ADAM18: variants seen among roughly 807,000 people sequenced by gnomAD.
ADAM18 encodes disintegrin and metalloproteinase domain-containing protein 18.
In ADAM18, 117 loss-of-function variants were observed where a neutral mutation model predicts 94.4. The observed-to-expected ratio is 1.24, with a 90% CI of 1.07 to 1.45. ADAM18 has a LOEUF of 1.45. Ranked by LOEUF, ADAM18 falls within the 40% of genes most tolerant of loss-of-function variation. ADAM18 has a pLI of 0.00. For missense variants in ADAM18, 936 were observed against 880.0 expected (o/e 1.06, Z -0.81); for synonymous variants, 327 against 291.6 (o/e 1.12, Z -1.24).
intron 10 of ADAM18, among the ~76,000 whole-genome samples, chr8:39,640,152 G>A (rs921565445): frequency 6.6e-6 from 1 of 151,948 alleles, no homozygotes; most frequent in South Asian, 2.1e-4. Flanking sequence ...ACATCCTTTA[G>A]CTATTCTTCC....
chr8:39,721,476 A>G (rs955776231), intron 18 of ADAM18, among the ~76,000 whole-genome samples: 47 of 151,774 alleles, frequency 3.1e-4, no homozygotes, highest in Non-Finnish European at 4.9e-4. Context: ...GTAAGTGGAC[A>G]ACCTACAGAA....
At position 39,637,675 on chromosome 8, in the gene ADAM18, C is replaced by T. The variant is rs752576579; in HGVS notation, c.799C>T (p.Arg267Trp). The stretch of plus-strand genomic sequence containing the variant: ...ATGGAAACGGGACTATCTCATCCTA[C>T]GGCCCCATGACATAGCATACTTACT... ...LAWKRDYLIL[R>W]PHDIAYLLVY... The change falls in exon 9 of 20, where the codon CGG becomes TGG. Residue 267 changes from arginine (R) to tryptophan (W), a missense_variant. Transcript: ENST00000265707. 2.4e-5 allele frequency: 39 copies of T among 1,610,262 alleles called. No individual in the cohort carries two copies. Among genetic ancestry groups the T allele is most frequent in the Middle Eastern group, 3.3e-4 (2 of 6,068 alleles).
chr8:39,699,293 G>C (rs899604450), intron 17 of ADAM18, among the ~76,000 whole-genome samples: 1 of 151,924 alleles, frequency 6.6e-6, no homozygotes, highest in Non-Finnish European at 1.5e-5. Context: ...TTCATTCTAC[G>C]TTCATGGAAG....
chr8:39,680,058 A>G lies in ADAM18; in HGVS notation c.1653A>G (p.Leu551=). ...CERKDVLCGK[L]ACVQPHKNAN... ...CCAGGGATGTTCTCTGTGGAAAATTAGCTTGTGTTCAGCCACATAAAAATG... is the reference window on the plus strand; with the variant it reads ...CCAGGGATGTTCTCTGTGGAAAATTGGCTTGTGTTCAGCCACATAAAAATG... Residue 551 remains leucine, a synonymous_variant, in exon 16 of 20, where the codon TTA becomes TTG. Transcript: ENST00000265707. The G allele has an allele frequency of 6.2e-7, 1 of 1,613,678 alleles. No homozygotes were observed. Among genetic ancestry groups the G allele is most frequent in the South Asian group, 1.1e-5 (1 of 91,060 alleles).
chr8:39,715,079 C>G (rs1053740556), intron 18 of ADAM18, among the ~76,000 whole-genome samples: 1 of 152,002 alleles, frequency 6.6e-6, no homozygotes, highest in Non-Finnish European at 1.5e-5. Context: ...AATTCTTTGT[C>G]TTACAATGTA....
chr8:39,701,477 A>T (rs907036260), intron 17 of ADAM18, among the ~76,000 whole-genome samples: 10 of 151,876 alleles, frequency 6.6e-5, no homozygotes, highest in African/African-American at 2.2e-4. Flanking sequence ...TTATGAATTA[A>T]TTTTTGGCTT....
chr8:39,658,912 G>A (rs1229656306), intron 12 of ADAM18, among the ~76,000 whole-genome samples: 1 of 152,122 alleles, frequency 6.6e-6, no homozygotes, highest in Admixed American at 6.5e-5. Context: ...TATTTGAGTT[G>A]TGGAGAGGAG....
At chr8:39,639,221 G>T (rs528269817) in intron 10 of ADAM18, among the ~76,000 whole-genome samples, 1 of 151,954 alleles carries the variant, frequency 6.6e-6, no homozygotes, top group South Asian at 2.1e-4. Flanking sequence ...TCAAAAAATA[G>T]AATATTATCA....
At chr8:39,633,110 T>C (rs753909387) in intron 7 of ADAM18, among the ~76,000 whole-genome samples, 3 of 152,150 alleles carry the variant, frequency 2.0e-5, no homozygotes, top group Non-Finnish European at 1.5e-5. Flanking sequence ...CCAGACCTGT[T>C]TGTGGAGCCT....
intron 14 of ADAM18, among the ~76,000 whole-genome samples, chr8:39,672,621 G>A (rs1181502699): frequency 6.6e-6 from 1 of 152,156 alleles, no homozygotes; most frequent in Admixed American, 6.6e-5. Flanking sequence ...TCCACACTCT[G>A]AATCTAAACC....
At chr8:39,678,215 C>T (rs1821349214) in intron 15 of ADAM18, among the ~76,000 whole-genome samples, 1 of 152,136 alleles carries the variant, frequency 6.6e-6, no homozygotes, top group African/African-American at 2.4e-5. Context: ...CAGGAAGAAG[C>T]AGACATTTAG....
chr8:39,722,211 GTGTGTGTATATATATATATA>G (rs1407951345), intron 18 of ADAM18, among the ~76,000 whole-genome samples: 4 of 71,154 alleles, frequency 5.6e-5, no homozygotes, highest in African/African-American at 3.8e-4. Flanking sequence ...GTGTGTGTGT[GTGTGTGTATATATATATATA>G]TATATATATA....
intron 15 of ADAM18, among the ~76,000 whole-genome samples, chr8:39,678,563 T>C (rs937895299): frequency 3.9e-5 from 6 of 152,136 alleles, no homozygotes; most frequent in African/African-American, 1.2e-4. Context: ...TGGATATTAA[T>C]ACAGAGCACC....
chr8:39,721,756 A>T (rs974419878), intron 18 of ADAM18, among the ~76,000 whole-genome samples: 1 of 151,460 alleles, frequency 6.6e-6, no homozygotes, highest in African/African-American at 2.4e-5. Flanking sequence ...AAAACAACAG[A>T]TGTAGGTGAA....
chr8:39,585,212 T>A, intron 1 of ADAM18, 64 bp from the exon 2 acceptor site: 1 of 1,353,600 alleles, frequency 7.4e-7, no homozygotes. Flanking sequence ...TAAGAACCCG[T>A]GCTTGACTGA....
chr8:39,636,858 T>G lies in ADAM18; in HGVS notation c.589-406T>G, dbSNP rs1290563893. Among the ~76,000 whole-genome samples, 4 of 151,664 alleles carry G rather than the reference T, an allele frequency of 2.6e-5. No individual in the cohort carries two copies. The East Asian group carries it at 5.8e-4, about 22-fold the overall frequency. ...TCCATGTATTTGAATATATTTGTTT[T>G]GTTTTGTTTAGATACCACATATAAG... On this transcript the variant is annotated intron_variant, in intron 7 of 19. Coordinates refer to ENST00000265707, the MANE Select transcript of ADAM18 (RefSeq NM_014237.3).
chr8:39,585,697 A>G (rs1159613325), intron 2 of ADAM18, among the ~76,000 whole-genome samples: 3 of 152,222 alleles, frequency 2.0e-5, no homozygotes, highest in African/African-American at 7.2e-5. Flanking sequence ...TGATGTAGAA[A>G]TTTGTCATAA....
At chr8:39,657,623 TAA>T (rs969075136) in intron 12 of ADAM18, among the ~76,000 whole-genome samples, 5 of 152,120 alleles carry the variant, frequency 3.3e-5, no homozygotes, top group Admixed American at 1.3e-4. Flanking sequence ...GCCTAGTTAC[TAA>T]AAAGGGGTTA....
rs187482133 is a variant in ADAM18 at position 39,691,962 on chromosome 8, C to T, written c.1822-638C>T. Among the ~76,000 whole-genome samples, 408 of 151,530 alleles carry T rather than the reference C, an allele frequency of 2.7e-3. 5 individuals are homozygous for T. Among genetic ancestry groups the T allele is most frequent in the African/African-American group, 9.5e-3 (392 of 41,386 alleles). ...ATGTTTAGTATTGTTATGTTGTGAACGACTTAAACAGATTTTATGGTGACA... is the reference window on the plus strand; with the variant it reads ...ATGTTTAGTATTGTTATGTTGTGAATGACTTAAACAGATTTTATGGTGACA... On this transcript the variant is annotated intron_variant, in intron 16 of 19. Transcript: ENST00000265707.
Sources: allele counts gnomAD v4.1 joint callset (sites outside exome capture counted in the v4.1 genomes callset), GRCh38; gene constraint gnomAD v4.1.1; transcripts MANE v1.5; gene names NCBI Gene and HGNC (gene_info 2026-07-23, HGNC 2026-07-21).